The following F11 variants were observed in gnomAD, a reference collection of about 807,000 sequenced individuals.
F11 encodes the protein coagulation factor XI.
A neutral mutation model predicts 76.5 loss-of-function variants in F11; 78 were observed. That is an observed-to-expected ratio of 1.02 (90% confidence interval 0.85 to 1.23). The LOEUF (loss-of-function observed/expected upper bound fraction) is 1.23. Ranked by LOEUF, F11 falls within the 50% of genes most tolerant of loss-of-function variation. The pLI is 0.00. For synonymous variants in F11, 278 were observed against 276.3 expected, an observed-to-expected ratio of 1.01 and a Z score of -0.06; for missense variants, 742 against 771.4, an observed-to-expected ratio of 0.96 and a Z score of 0.45.
chr4:186,272,602 T>A (rs1270561924), intron 3 of F11, among the ~76,000 whole-genome samples: 1 of 152,172 alleles, frequency 6.6e-6, no homozygotes, highest in Admixed American at 6.5e-5. Flanking sequence ...ACCCAGAACT[T>A]ATAAAATTTA....
chr4:186,274,336 A>C, intron 5 of F11, 61 bp downstream of exon 5: 2 of 1,607,696 alleles, frequency 1.2e-6, no homozygotes, highest in Non-Finnish European at 1.7e-6. Context: ...TTTACTAAAA[A>C]GCTTTTGCCA....
intron 2 of F11, among the ~76,000 whole-genome samples, chr4:186,270,668 C>G (rs1400995839): frequency 6.8e-6 from 1 of 146,152 alleles, no homozygotes; most frequent in Non-Finnish European, 1.5e-5. Flanking sequence ...CACACACACA[C>G]AGAACACGTG....
chr4:186,288,812 T>A lies in F11; in HGVS notation c.*198T>A. On this transcript the variant is annotated 3_prime_UTR_variant, in exon 15 of 15. Transcript: ENST00000403665. ...CCCGTTCTATGATCGTTGTAGTTTG[T>A]TTGAGCATTCAGTCTCTTTGTTTTT... 1.6e-6 allele frequency: 1 copy of A among 615,966 alleles called. No homozygotes were observed. The highest frequency in any genetic ancestry group is 2.9e-6 in the Non-Finnish European group (1 of 349,920). 38.2% of individuals were successfully genotyped at this position (615,966 alleles called of 1,614,324 possible). A position where few individuals can be genotyped will look rare whatever the true frequency, so the allele number is the denominator to read the frequency against.
chr4:186,280,585 G>A lies in F11; in HGVS notation c.1135+5G>A, dbSNP rs758515608. The stretch of plus-strand genomic sequence containing the variant: ...GGTTGTGTAAAATGGATAATGGTGA[G>A]TATAATGTCACTTGAAAAAATATAG... On this transcript the variant is annotated splice_donor_5th_base_variant and intron_variant, in intron 10 of 14. Coordinates refer to ENST00000403665, the MANE Select transcript of F11 (RefSeq NM_000128.4). The A allele has an allele frequency of 4.7e-5, 75 of 1,597,284 alleles. No homozygotes were observed. Among genetic ancestry groups the A allele is most frequent in the Non-Finnish European group, 5.8e-5 (68 of 1,164,948 alleles).
At chr4:186,290,426 G>A (rs1289198465), downstream of F11, among the ~76,000 whole-genome samples, 2 of 152,202 alleles carry the variant, frequency 1.3e-5, no homozygotes, top group Non-Finnish European at 2.9e-5. Context: ...GTGCGTTCAA[G>A]AGTATCAAAC....
intron 7 of F11, among the ~76,000 whole-genome samples, 192 bp downstream of exon 7, chr4:186,276,582 C>CTTTTTT (rs33965536): frequency 2.8e-4 from 21 of 75,944 alleles, no homozygotes; most frequent in African/African-American, 6.9e-4. Context: ...ACCGAGGACT[C>CTTTTTT]TTTTTTTTTT....
At chr4:186,283,531 C>T (rs532662415) in intron 10 of F11, among the ~76,000 whole-genome samples, 1 of 152,234 alleles carries the variant, frequency 6.6e-6, no homozygotes, top group African/African-American at 2.4e-5. Context: ...TTACTTTGGA[C>T]GTGGGTGGAG....
intron 10 of F11, chr4:186,282,940 C>G: frequency 1.0e-6 from 1 of 985,404 alleles, no homozygotes; most frequent in Middle Eastern, 5.2e-4. Context: ...TTTACACCCA[C>G]AAAACTAGTG....
At chr4:186,272,900 G>A (rs1740083690) in intron 3 of F11, 171 bp from the exon 4 acceptor site, 1 of 581,264 alleles carries the variant, frequency 1.7e-6, no homozygotes, top group South Asian at 2.1e-5. Context: ...TTAAGTGTAG[G>A]GATATTGAAG....
In F11 at chr4:186,285,876, A is replaced by G. The variant is rs1189150510; in HGVS notation, c.1480+63A>G. The G allele has an allele frequency of 3.9e-6, 6 of 1,554,154 alleles. No individual in the cohort carries two copies. In the African/African-American group the frequency reaches 6.8e-5, roughly 18 times the overall value. On this transcript the variant is annotated intron_variant, in intron 12 of 14. Transcript: ENST00000403665. ...TGAACTGGATAAAATGTTTAACACTACTAGACTTACGGCCTGACCCTGCCA... is the reference window on the plus strand; with the variant it reads ...TGAACTGGATAAAATGTTTAACACTGCTAGACTTACGGCCTGACCCTGCCA...
chr4:186,275,958 T>C, intron 6 of F11, 62 bp downstream of exon 6: 1 of 1,324,124 alleles, frequency 7.6e-7, no homozygotes, highest in Non-Finnish European at 1.1e-6. Context: ...TTACAGTAGA[T>C]CTCACTCAGG....
At chr4:186,279,192 G>A (rs1222385972) in intron 7 of F11, among the ~76,000 whole-genome samples, 1 of 152,136 alleles carries the variant, frequency 6.6e-6, no homozygotes, top group African/African-American at 2.4e-5. Flanking sequence ...GACCATCCTG[G>A]CCAACATGGT....
chr4:186,288,341 T>C, intron 14 of F11, 112 bp from the exon 15 acceptor site: 1 of 1,343,390 alleles, frequency 7.4e-7, no homozygotes, highest in South Asian at 1.2e-5. Flanking sequence ...CTCTGCAGTA[T>C]ATTAAGGGGC....
At chr4:186,271,498 G>T (rs960663873) in intron 2 of F11, 111 bp from the exon 3 acceptor site, 5 of 1,177,552 alleles carry the variant, frequency 4.2e-6, no homozygotes, top group East Asian at 4.7e-5. Context: ...CCAAATTCAG[G>T]CGTATTTCCT....
downstream of F11, among the ~76,000 whole-genome samples, chr4:186,290,438 A>G (rs907090276): frequency 2.0e-5 from 3 of 152,206 alleles, no homozygotes; most frequent in Non-Finnish European, 4.4e-5. Flanking sequence ...GTATCAAACA[A>G]TACTATCTTG....
chr4:186,278,145 C>T (rs1193544951), intron 7 of F11, among the ~76,000 whole-genome samples: 7 of 152,176 alleles, frequency 4.6e-5, no homozygotes, highest in Non-Finnish European at 1.0e-4. Flanking sequence ...AAACAAATAT[C>T]CGTAAAATTA....
rs1410688787 is a variant in F11 at position 186,273,121 on chromosome 4, A to C, written c.269A>C (p.Asn90Thr). The change falls in exon 4 of 15, where the codon AAT becomes ACT. Residue 90 changes from asparagine to threonine, a missense_variant. Physicochemically the swap from Asn to Thr is moderately conservative, Grantham distance 65. Transcript: ENST00000403665. ...GTTACAGAAACACTGCCAAGAGTGA[A>C]TAGGACAGCAGCGATTTCTGGGTAT... is the stretch of plus-strand genomic sequence containing the variant. The part of the protein sequence containing the change: ...DSVTETLPRV[N>T]RTAAISGYSF... 2.5e-6 allele frequency: 4 copies of C among 1,613,980 alleles called. No homozygotes were observed. The highest frequency in any genetic ancestry group is 3.4e-6 in the Non-Finnish European group (4 of 1,179,966).
At chr4:186,276,528 C>G in intron 7 of F11, 138 bp downstream of exon 7, 2 of 891,708 alleles carry the variant, frequency 2.2e-6, no homozygotes, top group South Asian at 2.9e-5. Flanking sequence ...TTTCTAGCCC[C>G]TCTCCCTTTC....
Position 186,288,513 on chromosome 4 carries a change from A to G in F11, c.1777A>G (p.Thr593Ala), listed in dbSNP as rs1741382224. Residue 593 changes from threonine to alanine, a missense_variant, in exon 15 of 15, where the codon ACG becomes GCG. Coordinates refer to ENST00000403665, the MANE Select transcript of F11 (RefSeq NM_000128.4). ...HNEVWHLVGI[T>A]SWGEGCAQRE... is the part of the protein sequence containing the mutation. ...TGAGGTCTGGCATCTGGTAGGCATC[A>G]CGAGCTGGGGCGAAGGCTGTGCTCA... 1.7e-5 allele frequency: 28 copies of G among 1,614,168 alleles called. No individual in the cohort carries two copies. Among genetic ancestry groups the G allele is most frequent in the Non-Finnish European group, 2.4e-5 (28 of 1,180,026 alleles).
Sources: gnomAD v4.1 joint callset for allele counts (sites outside exome capture counted in the v4.1 genomes callset) on GRCh38, gnomAD v4.1.1 for gene constraint, MANE v1.5 for transcripts, NCBI Gene and HGNC (gene_info 2026-07-23, HGNC 2026-07-21) for gene names.